The following CLNS1A variants were observed in gnomAD, a reference collection of about 807,000 sequenced individuals.
CLNS1A encodes the protein chloride nucleotide-sensitive channel 1A.
CLNS1A carries 16 observed loss-of-function variants against 29.4 expected under a neutral mutation model. That is an observed-to-expected ratio of 0.54 (90% CI 0.37 to 0.83). The LOEUF (loss-of-function observed/expected upper bound fraction) is 0.83, where lower values mean the gene tolerates loss of function less well. CLNS1A is among the 40% of genes least tolerant of loss of function. The probability of loss-of-function intolerance (pLI) is 0.00; values close to 1 mark genes in which losing one functional copy is unlikely to be tolerated. For missense variants in CLNS1A, 235 were observed against 287.4 expected (o/e 0.82, Z 1.32); for synonymous variants, 96 against 104.8 (o/e 0.92, Z 0.51).
chr11:77,626,132 G>A (rs1305171551), intron 2 of CLNS1A, among the ~76,000 whole-genome samples: 3 of 151,904 alleles, frequency 2.0e-5, no homozygotes, highest in Non-Finnish European at 2.9e-5. Flanking sequence ...TTTTTTTTCT[G>A]AGACTGGGAC....
At chr11:77,619,387 T>C in intron 6 of CLNS1A, 1 of 462,854 alleles carries the variant, frequency 2.2e-6, no homozygotes, top group Non-Finnish European at 3.8e-6. Context: ...TAAAATAAGC[T>C]GGGTGTGGTA....
chr11:77,621,175 CCCTGCTA>C (rs1288666342), intron 5 of CLNS1A, among the ~76,000 whole-genome samples: 1 of 152,016 alleles, frequency 6.6e-6, no homozygotes, highest in Non-Finnish European at 1.5e-5. Flanking sequence ...AGTGGGTAAT[CCCTGCTA>C]CTCAGGAGGC....
chr11:77,628,303 C>T (rs1959041712), intron 2 of CLNS1A, among the ~76,000 whole-genome samples: 1 of 152,196 alleles, frequency 6.6e-6, no homozygotes, highest in African/African-American at 2.4e-5. Context: ...CGCATTTCTG[C>T]AAATGAATGA....
chr11:77,622,087 C>T (rs770606559), intron 5 of CLNS1A: 1 of 456,530 alleles, frequency 2.2e-6, no homozygotes, highest in South Asian at 1.5e-5. Flanking sequence ...GATAACCTAT[C>T]GTGGACTTCT....
At chr11:77,622,324 A>T in intron 5 of CLNS1A, 176 bp downstream of exon 5, 1 of 619,014 alleles carries the variant, frequency 1.6e-6, no homozygotes, top group Admixed American at 3.1e-5. Flanking sequence ...AATGAGGAAA[A>T]AAAATCACTA....
At chr11:77,624,898 A>C in intron 4 of CLNS1A, 65 bp downstream of exon 4, 1 of 1,026,360 alleles carries the variant, frequency 9.7e-7, no homozygotes, top group Non-Finnish European at 1.5e-6. Context: ...CCCTTAATAC[A>C]AATAAATGCT....
intron 1 of CLNS1A, among the ~76,000 whole-genome samples, chr11:77,637,016 T>A (rs1959132612): frequency 6.6e-6 from 1 of 152,054 alleles, no homozygotes; most frequent in African/African-American, 2.4e-5. Flanking sequence ...CCCCTGTCTG[T>A]GTCGAGTTAA....
At chr11:77,618,644 T>C (rs986600307) in intron 6 of CLNS1A, 6 of 152,172 alleles carry the variant, frequency 3.9e-5, no homozygotes, top group South Asian at 2.1e-4. Flanking sequence ...GTTTTCACAA[T>C]AGCAGTAACT....
At chr11:77,626,282 G>A (rs188693377) in intron 2 of CLNS1A, among the ~76,000 whole-genome samples, 236 of 152,156 alleles carry the variant, frequency 1.6e-3, no homozygotes, top group African/African-American at 4.8e-3. Flanking sequence ...GGGGTCTTAC[G>A]ATGTTGCCCA....
chr11:77,619,309 A>G (rs1481823797), intron 6 of CLNS1A, among the ~76,000 whole-genome samples: 1 of 152,210 alleles, frequency 6.6e-6, no homozygotes, highest in East Asian at 1.9e-4. Context: ...AGGAGGGAGA[A>G]TCATTTGAGG....
intron 2 of CLNS1A, among the ~76,000 whole-genome samples, chr11:77,627,295 G>A (rs991562057): frequency 6.6e-5 from 10 of 150,898 alleles, no homozygotes; most frequent in Admixed American, 1.3e-4. Flanking sequence ...AAAAATTAGC[G>A]GGGCGTGGTG....
Position 77,622,659 on chromosome 11 carries a change from C to T in CLNS1A, c.487G>A (p.Asp163Asn). ...TCATAGGTGTAAAATGTAGGGATGT[C>T]CCCCTGTCCTTGTTCTAAACAAACA... ...DVEAHEQGQG[D>N]IPTFYTYEEG... Residue 163 changes from aspartate to asparagine, a missense_variant, in exon 5 of 7, where the codon GAC becomes AAC. By Grantham distance (23) the Asp-to-Asn change is conservative. Coordinates refer to ENST00000525428, the MANE Select transcript of CLNS1A (RefSeq NM_001293.3). 6.3e-7 allele frequency: 1 copy of T among 1,591,554 alleles called. No homozygotes were observed. The highest frequency in any genetic ancestry group is 8.5e-7 in the Non-Finnish European group (1 of 1,173,640).
intron 4 of CLNS1A, among the ~76,000 whole-genome samples, chr11:77,623,169 G>A (rs191450244): frequency 1.8e-3 from 279 of 152,190 alleles, no homozygotes; most frequent in African/African-American, 6.4e-3. Context: ...GAAAAAAAAA[G>A]TGTGTTCCTA....
At chr11:77,635,524 G>C in intron 1 of CLNS1A, among the ~76,000 whole-genome samples, 1 of 151,764 alleles carries the variant, frequency 6.6e-6, no homozygotes, top group East Asian at 1.9e-4. Flanking sequence ...GATAATTTTT[G>C]TATTTTAGTA....
At chr11:77,625,659 G>A in intron 3 of CLNS1A, 58 bp downstream of exon 3, 1 of 1,440,992 alleles carries the variant, frequency 6.9e-7, no homozygotes, top group East Asian at 2.3e-5. Flanking sequence ...GTGTGTGTGT[G>A]TCAATTGGGA....
intron 1 of CLNS1A, among the ~76,000 whole-genome samples, chr11:77,631,680 T>C (rs117048838): frequency 0.012 from 1,896 of 152,056 alleles, 18 homozygotes; most frequent in Non-Finnish European, 0.017. Flanking sequence ...GAAAGATTTC[T>C]ATCCAACATT....
intron 6 of CLNS1A, among the ~76,000 whole-genome samples, chr11:77,617,970 C>T (rs1209903090): frequency 2.0e-5 from 3 of 151,520 alleles, no homozygotes; most frequent in African/African-American, 7.3e-5. Flanking sequence ...TAAAATAATT[C>T]TCTGCCTCTG....
At chr11:77,618,888 CAT>C (rs1958929990) in intron 6 of CLNS1A, among the ~76,000 whole-genome samples, 1 of 152,180 alleles carries the variant, frequency 6.6e-6, no homozygotes, top group South Asian at 2.1e-4. Context: ...CAAGTCAAAA[CAT>C]ATAAATCTTA....
intron 4 of CLNS1A, among the ~76,000 whole-genome samples, chr11:77,622,931 G>A (rs1256919760): frequency 6.2e-5 from 9 of 144,902 alleles, no homozygotes; most frequent in South Asian, 2.2e-4. Flanking sequence ...CTGGGCAACC[G>A]AGCAAGACCT....
Sources: gnomAD v4.1 joint callset for allele counts (sites outside exome capture counted in the v4.1 genomes callset) on GRCh38, gnomAD v4.1.1 for gene constraint, MANE v1.5 for transcripts, NCBI Gene and HGNC (gene_info 2026-07-23, HGNC 2026-07-21) for gene names.